CRISP2: variants seen among roughly 807,000 people sequenced by gnomAD.
CRISP2 encodes the protein cysteine-rich secretory protein 2.
In CRISP2, 29 loss-of-function variants were observed where a neutral mutation model predicts 31.7. The observed-to-expected ratio is 0.92, with a 90% CI of 0.68 to 1.25. The LOEUF (loss-of-function observed/expected upper bound fraction) is 1.25. Among genes scored for constraint, CRISP2 ranks in the 50% most tolerant of loss-of-function variants. The pLI, the probability that CRISP2 is intolerant of heterozygous loss-of-function variation, is 0.00. For synonymous variants in CRISP2, 111 were observed against 101.4 expected (o/e 1.09, Z -0.57); for missense variants, 318 against 286.5 (o/e 1.11, Z -0.79).
intron 4 of CRISP2, among the ~76,000 whole-genome samples, chr6:49,707,928 C>CA (rs1237303633): frequency 6.6e-6 from 1 of 152,150 alleles, no homozygotes; most frequent in Non-Finnish European, 1.5e-5. Context: ...GACCTGAATT[C>CA]AAAATCCTCT....
chr6:49,688,059 G>T (rs115459373), downstream of CRISP2, among the ~76,000 whole-genome samples: 992 of 152,276 alleles, frequency 6.5e-3, 7 homozygotes, highest in African/African-American at 0.022. Context: ...CTCAATCACT[G>T]GGCCATAGCT....
intron 9 of CRISP2, among the ~76,000 whole-genome samples, chr6:49,693,141 T>G (rs1764194478): frequency 6.6e-6 from 1 of 152,164 alleles, no homozygotes; most frequent in African/African-American, 2.4e-5. Context: ...AGCTCACTGA[T>G]AAATCCATCA....
At chr6:49,678,971 T>C in the CRISP2 span, among the ~76,000 whole-genome samples, 2 of 152,142 alleles carry the variant, frequency 1.3e-5, no homozygotes, top group African/African-American at 2.4e-5. Flanking sequence ...TTAATACACT[T>C]TGCCTCCCTA....
At chr6:49,685,917 G>A in the CRISP2 span, among the ~76,000 whole-genome samples, 577 of 152,098 alleles carry the variant, frequency 3.8e-3, 1 homozygote, top group African/African-American at 0.013. Flanking sequence ...TATACAAAGA[G>A]GAATACCCAG....
intron 4 of CRISP2, among the ~76,000 whole-genome samples, chr6:49,702,199 A>T (rs1387769298): frequency 8.1e-6 from 1 of 123,146 alleles, no homozygotes; most frequent in Non-Finnish European, 1.7e-5. Context: ...TTCTTTATCC[A>T]CTCATTGATT....
rs138341284 is a variant in CRISP2, at chr6:49,698,399, G to C, written c.380C>G (p.Pro127Arg). Residue 127 changes from proline to arginine, a missense_variant, in exon 7 of 10, where the codon CCA (proline) becomes CGA (arginine). Coordinates refer to ENST00000339139, the MANE Select transcript of CRISP2 (RefSeq NM_003296.4). ...TCCAACAACTGCATTGGGACTCTTT[G>C]GTCCTACACCATAGACAAAATCTAG... ...EILDFVYGVG[P>R]KSPNAVVGHY... 282 of 1,612,994 alleles carry C rather than the reference G, an allele frequency of 1.7e-4. No individual in the cohort carries two copies. The highest frequency in any genetic ancestry group is 2.2e-4 in the Non-Finnish European group (265 of 1,179,574).
chr6:49,703,385 A>G (rs1248721874), intron 4 of CRISP2, among the ~76,000 whole-genome samples: 1 of 152,062 alleles, frequency 6.6e-6, no homozygotes, highest in Non-Finnish European at 1.5e-5. Context: ...TGGGAATTGC[A>G]TTAAATTTGT....
intron 3 of CRISP2, among the ~76,000 whole-genome samples, chr6:49,710,936 C>A (rs1054704517): frequency 1.3e-5 from 2 of 152,088 alleles, no homozygotes; most frequent in African/African-American, 2.4e-5. Flanking sequence ...CAAGATCAGC[C>A]TGGAAAGCAC....
rs751602702 is a variant in CRISP2, at chr6:49,698,367, T to C, written c.412A>G (p.Thr138Ala). 14 of 1,612,810 alleles carry C rather than the reference T, an allele frequency of 8.7e-6. No homozygotes were observed. The highest frequency in any genetic ancestry group is 1.1e-5 in the Non-Finnish European group (13 of 1,179,486). The stretch of plus-strand genomic sequence containing the variant: ...TTTTCATGCATTCTTCTTACCTGAG[T>C]ATAATGTCCAACAACTGCATTGGGA... ...KSPNAVVGHY[T>A]QLVWYSTYQV... Residue 138 changes from threonine (T) to alanine (A), a missense_variant, in exon 7 of 10, where the codon ACT becomes GCT. By Grantham distance (58) the Thr-to-Ala change is moderately conservative. Transcript: ENST00000339139.
intron 4 of CRISP2, among the ~76,000 whole-genome samples, chr6:49,704,599 A>G (rs1766687248): frequency 1.3e-5 from 2 of 152,010 alleles, no homozygotes; most frequent in East Asian, 3.9e-4. Flanking sequence ...GCCAGACTGC[A>G]GTGATTGTTA....
chr6:49,709,245 GT>G, intron 3 of CRISP2, 40 bp from the exon 4 acceptor site: 1 of 1,586,578 alleles, frequency 6.3e-7, no homozygotes, highest in Non-Finnish European at 8.6e-7. Context: ...GAAATATGTA[GT>G]TTAAAAAACT....
At chr6:49,696,744 A>G (rs556889712) in intron 8 of CRISP2, among the ~76,000 whole-genome samples, 1 of 152,190 alleles carries the variant, frequency 6.6e-6, no homozygotes, top group Non-Finnish European at 1.5e-5. Context: ...CCAAATCTCA[A>G]TAGACCAAGT....
rs555924769 is a variant in CRISP2, at chr6:49,709,226, G to T, written c.-9-21C>A. On this transcript the variant is annotated intron_variant, in intron 3 of 9. Transcript: ENST00000339139. ...GGAAACTAAGTCAAGAAAAACAAAGGTCTGCATTGAAATATGTAGTTTAAA... is the reference window on the plus strand; with the variant it reads ...GGAAACTAAGTCAAGAAAAACAAAGTTCTGCATTGAAATATGTAGTTTAAA... The T allele has an allele frequency of 3.8e-5, 61 of 1,610,606 alleles. 1 individual carries two copies. In the South Asian group the frequency reaches 6.7e-4, roughly 18 times the overall value.
chr6:49,683,230 C>A, the CRISP2 span, among the ~76,000 whole-genome samples: 2 of 151,310 alleles, frequency 1.3e-5, no homozygotes, highest in South Asian at 2.1e-4. Context: ...ATACAGCACA[C>A]AAAATCTTAA....
the CRISP2 span, among the ~76,000 whole-genome samples, chr6:49,678,504 A>G: frequency 6.6e-6 from 1 of 152,254 alleles, no homozygotes; most frequent in East Asian, 1.9e-4. Context: ...AAAGAAAGTT[A>G]TTTATAACCA....
chr6:49,682,495 T>C, the CRISP2 span, among the ~76,000 whole-genome samples: 1 of 92,506 alleles, frequency 1.1e-5, no homozygotes, highest in Non-Finnish European at 2.2e-5. Flanking sequence ...CTCCTCCTCC[T>C]ATTCCTCCTG....
chr6:49,702,122 C>T (rs1347854579), intron 4 of CRISP2, among the ~76,000 whole-genome samples: 8 of 1,640 alleles, frequency 4.9e-3, no homozygotes, highest in Admixed American at 0.032. Flanking sequence ...TATATGTATA[C>T]ATTATATATA....
Position 49,699,786 on chromosome 6 carries a change from A to G in CRISP2, c.271+18T>C, listed in dbSNP as rs1765351496. ...TTATTCATTTATTTATTCAACAAAT[A>G]TTTACTAATTTACATACTGGTTTTG... On this transcript the variant is annotated intron_variant, in intron 6 of 9. Transcript: ENST00000339139. 1.3e-6 allele frequency: 2 copies of G among 1,519,428 alleles called. No homozygotes were observed. The highest frequency in any genetic ancestry group is 1.8e-6 in the Non-Finnish European group (2 of 1,096,284). The allele number at this position is 1,519,428 out of a possible 1,614,324, so 94.1% of individuals were successfully genotyped here.
intron 1 of CRISP2, among the ~76,000 whole-genome samples, chr6:49,713,081 AT>A (rs1283320545): frequency 6.6e-6 from 1 of 152,120 alleles, no homozygotes; most frequent in Non-Finnish European, 1.5e-5. Flanking sequence ...CCCAACTCTA[AT>A]TGTTATTACA....
Sources: gnomAD v4.1 joint callset for allele counts (sites outside exome capture counted in the v4.1 genomes callset) on GRCh38, gnomAD v4.1.1 for gene constraint, MANE v1.5 for transcripts, NCBI Gene and HGNC (gene_info 2026-07-23, HGNC 2026-07-21) for gene names.